Variants in LRRC28 observed in about 807,000 individuals in gnomAD.
The protein encoded by LRRC28 is leucine-rich repeat-containing protein 28.
Under a neutral mutation model 45.7 loss-of-function variants are expected in LRRC28, and 39 were observed. The observed-to-expected ratio is 0.85, with a 90% CI of 0.66 to 1.12. The LOEUF (loss-of-function observed/expected upper bound fraction) is 1.12, where lower values mean the gene tolerates loss of function less well. Among genes scored for constraint, LRRC28 ranks in the 50% most tolerant of loss-of-function variants. The pLI is 0.00. For missense variants in LRRC28, 435 were observed against 438.5 expected (o/e 0.99, Z 0.07); for synonymous variants, 206 against 178.8 (o/e 1.15, Z -1.22).
chr15:99,309,056 C>G (rs1196956015), intron 5 of LRRC28, among the ~76,000 whole-genome samples: 1 of 152,186 alleles, frequency 6.6e-6, no homozygotes, highest in African/African-American at 2.4e-5. Flanking sequence ...AGTATAAATG[C>G]TTGTTTATTC....
Position 99,324,280 on chromosome 15 carries a change from C to T in LRRC28, c.386-9643C>T, listed in dbSNP as rs114511298. 8.7e-4 allele frequency among the ~76,000 whole-genome samples: 133 copies of T among 152,246 alleles called. 1 individual carries two copies. Among genetic ancestry groups the T allele is most frequent in the East Asian group, 2.9e-3 (15 of 5,190 alleles). ...AAAATGGCATGAAATTTAAAACTTA[C>T]GGACGGTTAATTTTTGGAATTTTCC... On this transcript the variant is annotated intron_variant, in intron 5 of 9. Coordinates refer to ENST00000301981, the MANE Select transcript of LRRC28 (RefSeq NM_144598.5).
intron 9 of LRRC28, among the ~76,000 whole-genome samples, chr15:99,373,608 GTCTTAT>G (rs1335942685): frequency 6.6e-6 from 1 of 152,024 alleles, no homozygotes; most frequent in African/African-American, 2.4e-5. Context: ...CAAATACTAG[GTCTTAT>G]TCATTCTTTC....
intron 8 of LRRC28, among the ~76,000 whole-genome samples, chr15:99,362,172 T>G (rs1041119172): frequency 3.9e-5 from 6 of 152,242 alleles, no homozygotes; most frequent in African/African-American, 1.4e-4. Flanking sequence ...TTTTTAAAAC[T>G]GTGAAATGTT....
At chr15:99,379,078 T>G (rs1197251624) in intron 9 of LRRC28, among the ~76,000 whole-genome samples, 2 of 151,936 alleles carry the variant, frequency 1.3e-5, no homozygotes, top group African/African-American at 4.8e-5. Flanking sequence ...AGGATTCCCT[T>G]TTTCTGTTGA....
At chr15:99,291,137 T>TA (rs2082111459) in intron 5 of LRRC28, among the ~76,000 whole-genome samples, 1 of 152,242 alleles carries the variant, frequency 6.6e-6, no homozygotes, top group Admixed American at 6.5e-5. Context: ...TGCTTCTTAA[T>TA]AACCAGTGAA....
Position 99,287,929 on chromosome 15 carries a change from C to T in LRRC28, c.363C>T (p.Asn121=), listed in dbSNP as rs148016022. 7 of 1,613,592 alleles carry T rather than the reference C, an allele frequency of 4.3e-6. No individual in the cohort carries two copies. Among genetic ancestry groups the T allele is most frequent in the Non-Finnish European group, 5.9e-6 (7 of 1,179,732 alleles). Residue 121 remains asparagine (N), a synonymous_variant, in exon 5 of 10, where the codon AAC becomes AAT. Transcript: ENST00000301981. ...TACGTCATCTTCGATTAGCTAATAA[C>T]CAACTGCAATTCCTACCTCCAGGTA... ...RALRHLRLAN[N]QLQFLPPEVG...
At chr15:99,273,346 C>T (rs2081531420) in intron 2 of LRRC28, among the ~76,000 whole-genome samples, 1 of 151,604 alleles carries the variant, frequency 6.6e-6, no homozygotes, top group African/African-American at 2.4e-5. Context: ...AGGCCATTTT[C>T]CTGCCTCAGC....
intron 2 of LRRC28, among the ~76,000 whole-genome samples, chr15:99,271,897 C>G (rs573081281): frequency 3.2e-4 from 48 of 152,266 alleles, no homozygotes; most frequent in African/African-American, 1.1e-3. Flanking sequence ...CTGCACCTGG[C>G]CAGTGTATCT....
chr15:99,336,581 CTCTAT>C (rs1007993201), intron 6 of LRRC28, among the ~76,000 whole-genome samples: 1 of 152,204 alleles, frequency 6.6e-6, no homozygotes, highest in Admixed American at 6.5e-5. Context: ...CAATCTCTCT[CTCTAT>C]TCACTTAGCA....
At chr15:99,344,939 G>A (rs1281756135) in intron 6 of LRRC28, among the ~76,000 whole-genome samples, 2 of 152,184 alleles carry the variant, frequency 1.3e-5, no homozygotes, top group Admixed American at 6.5e-5. Flanking sequence ...ACCATTTGCT[G>A]CATGCCAAAG....
chr15:99,296,867 A>C (rs1443489435), intron 5 of LRRC28, among the ~76,000 whole-genome samples: 1 of 152,144 alleles, frequency 6.6e-6, no homozygotes, highest in Non-Finnish European at 1.5e-5. Context: ...AGGAGAGAGA[A>C]GGAAGTATTG....
At chr15:99,302,643 A>C (rs1273520191) in intron 5 of LRRC28, among the ~76,000 whole-genome samples, 1 of 152,226 alleles carries the variant, frequency 6.6e-6, no homozygotes, top group African/African-American at 2.4e-5. Context: ...CAATGTCCAC[A>C]GTTTAGGAAC....
intron 1 of LRRC28, chr15:99,252,111 T>G (rs541341966): frequency 2.0e-5 from 3 of 152,334 alleles, no homozygotes; most frequent in African/African-American, 7.2e-5. Flanking sequence ...GTCAGAAAGC[T>G]CGTGTGTAAG....
intron 2 of LRRC28, among the ~76,000 whole-genome samples, chr15:99,272,606 A>G (rs774408529): frequency 6.6e-6 from 1 of 152,234 alleles, no homozygotes; most frequent in Non-Finnish European, 1.5e-5. Context: ...GTAAAGCATC[A>G]TTGATTCAGA....
intron 8 of LRRC28, among the ~76,000 whole-genome samples, chr15:99,362,180 G>A (rs901179406): frequency 1.3e-5 from 2 of 152,200 alleles, no homozygotes; most frequent in East Asian, 1.9e-4. Flanking sequence ...ACTGTGAAAT[G>A]TTTCGTCTTT....
chr15:99,255,592 T>C (rs1180208207), intron 1 of LRRC28, among the ~76,000 whole-genome samples: 1 of 152,188 alleles, frequency 6.6e-6, no homozygotes, highest in Non-Finnish European at 1.5e-5. Context: ...TTGTATGTTA[T>C]GAAACTGGTC....
chr15:99,322,190 A>T (rs1173707409), intron 5 of LRRC28, among the ~76,000 whole-genome samples: 1 of 152,154 alleles, frequency 6.6e-6, no homozygotes, highest in Non-Finnish European at 1.5e-5. Flanking sequence ...GCTGATCTGG[A>T]GACCATGTTG....
At chr15:99,335,011 AAT>A (rs1231820267) in intron 6 of LRRC28, among the ~76,000 whole-genome samples, 20 of 152,102 alleles carry the variant, frequency 1.3e-4, no homozygotes, top group Middle Eastern at 3.4e-3. Context: ...CAATGGAAGT[AAT>A]AATCAAATTT....
chr15:99,361,754 A>T (rs571345128), intron 8 of LRRC28, among the ~76,000 whole-genome samples: 6 of 152,322 alleles, frequency 3.9e-5, no homozygotes, highest in African/African-American at 1.2e-4. Flanking sequence ...AACACTGATC[A>T]CTTTAGCACC....
Sources: allele counts gnomAD v4.1 joint callset (sites outside exome capture counted in the v4.1 genomes callset), GRCh38; gene constraint gnomAD v4.1.1; transcripts MANE v1.5; gene names NCBI Gene and HGNC (gene_info 2026-07-23, HGNC 2026-07-21).